Variants in NRXN1 observed in about 807,000 individuals in gnomAD.
The protein encoded by NRXN1 is neurexin-1.
NRXN1 carries 39 observed loss-of-function variants against 150.9 expected under a neutral mutation model. That is an observed-to-expected ratio of 0.26 (90% CI 0.20 to 0.34). The LOEUF (loss-of-function observed/expected upper bound fraction) is 0.34. Ranked by LOEUF, NRXN1 falls within the 10% of genes least tolerant of loss-of-function variation. NRXN1 has a pLI of 1.00. For synonymous variants in NRXN1, 924 were observed against 757.0 expected (o/e 1.22, Z -3.62); for missense variants, 1,815 against 1,949.9 (o/e 0.93, Z 1.30).
intron 12 of NRXN1, among the ~76,000 whole-genome samples, chr2:50,527,158 A>G (rs959054771): frequency 1.3e-5 from 2 of 152,194 alleles, no homozygotes; most frequent in Non-Finnish European, 2.9e-5. Flanking sequence ...AGGTCTAGAA[A>G]GGAATATTGG....
At chr2:50,435,216 C>A (rs934811164) in intron 17 of NRXN1, among the ~76,000 whole-genome samples, 3 of 152,104 alleles carry the variant, frequency 2.0e-5, no homozygotes, top group Non-Finnish European at 4.4e-5. Flanking sequence ...CCACATCTGC[C>A]ACTCACCATC....
intron 21 of NRXN1, among the ~76,000 whole-genome samples, chr2:50,042,695 T>TTAA (rs34892948): frequency 1 from 152,192 of 152,222 alleles, 76,081 homozygotes; most frequent in Middle Eastern, 1. Context: ...CATACACACA[T>TTAA]TAAGACAAAG....
chr2:50,957,746 G>C (rs1692499543), intron 2 of NRXN1, among the ~76,000 whole-genome samples: 1 of 151,998 alleles, frequency 6.6e-6, no homozygotes, highest in Admixed American at 6.6e-5. Flanking sequence ...TGTCATGTTT[G>C]ATTTCTTGTA....
chr2:50,670,533 A>G (rs1166345424), intron 5 of NRXN1, among the ~76,000 whole-genome samples: 2 of 151,988 alleles, frequency 1.3e-5, no homozygotes, highest in East Asian at 3.9e-4. Flanking sequence ...CTGTTACATT[A>G]CCATAGGATA....
chr2:50,212,577 T>A (rs2063113171), intron 18 of NRXN1, among the ~76,000 whole-genome samples: 1 of 151,880 alleles, frequency 6.6e-6, no homozygotes, highest in Admixed American at 6.6e-5. Context: ...TTTATATGTT[T>A]ATTTAAATCT....
intron 18 of NRXN1, chr2:50,174,920 T>A (rs1334115652): frequency 6.6e-6 from 1 of 152,182 alleles, no homozygotes; most frequent in East Asian, 1.9e-4. Context: ...TATACTTAGC[T>A]CAAGCGTAGC....
chr2:49,986,924 G>A (rs998649591), intron 21 of NRXN1, among the ~76,000 whole-genome samples: 1 of 152,054 alleles, frequency 6.6e-6, no homozygotes, highest in Admixed American at 6.5e-5. Flanking sequence ...AATTAGCCAG[G>A]TGGGGTGGTG....
At chr2:50,603,529 G>T (rs1676610644) in intron 8 of NRXN1, among the ~76,000 whole-genome samples, 1 of 152,120 alleles carries the variant, frequency 6.6e-6, no homozygotes, top group African/African-American at 2.4e-5. Context: ...AGAGGATTTG[G>T]TTTGTTAGTT....
intron 5 of NRXN1, among the ~76,000 whole-genome samples, chr2:50,686,550 T>C (rs1358869136): frequency 6.6e-6 from 1 of 152,182 alleles, no homozygotes; most frequent in African/African-American, 2.4e-5. Flanking sequence ...TCTTCTTTAA[T>C]AAATGGAAGC....
intron 5 of NRXN1, among the ~76,000 whole-genome samples, chr2:50,813,204 GAT>G (rs986687598): frequency 1.5e-4 from 22 of 151,450 alleles, no homozygotes; most frequent in African/African-American, 5.3e-4. Flanking sequence ...AAAAAAAAAA[GAT>G]ATTAATGGCT....
chr2:50,118,191 G>A (rs1703336603), intron 18 of NRXN1, among the ~76,000 whole-genome samples: 1 of 152,158 alleles, frequency 6.6e-6, no homozygotes, highest in African/African-American at 2.4e-5. Context: ...ATTCTCCAAT[G>A]TAAAACAGCT....
chr2:50,206,228 T>TACAC lies in NRXN1; in HGVS notation c.3546+30557_3546+30560dup, dbSNP rs66795755. Among the ~76,000 whole-genome samples, 416 of 106,424 alleles carry TACAC rather than the reference T, an allele frequency of 3.9e-3. 1 individual carries two copies. The highest frequency in any genetic ancestry group is 0.015 in the East Asian group (65 of 4,322). The allele number at this position is 106,424 out of a possible 152,430, so 69.8% of individuals were successfully genotyped here. On this transcript the variant is annotated intron_variant, in intron 18 of 22. Transcript: ENST00000401669. The stretch of plus-strand genomic sequence containing the variant: ...TAAGTTATACATGCATACACACAAA[T>TACAC]ACACACACACACACACACACACACA...
At chr2:50,208,966 T>C (rs1425634724) in intron 18 of NRXN1, among the ~76,000 whole-genome samples, 2 of 152,082 alleles carry the variant, frequency 1.3e-5, no homozygotes, top group Non-Finnish European at 2.9e-5. Flanking sequence ...TTGCAGCAAA[T>C]GTGACATTTT....
intron 17 of NRXN1, among the ~76,000 whole-genome samples, chr2:50,383,077 T>C (rs2081081979): frequency 1.3e-5 from 2 of 152,176 alleles, no homozygotes; most frequent in Non-Finnish European, 2.9e-5. Flanking sequence ...TAATTTTCCT[T>C]ATGATCTGAT....
Position 50,552,876 on chromosome 2 carries a change from G to A in NRXN1, c.1470C>T (p.Phe490=). ...DPITFETPES[F]ISLPKWNAKK... The stretch of plus-strand genomic sequence containing the variant: ...TTGCATTCCATTTAGGCAAAGAGAT[G>A]AAAGACTCTGGGGTTTCAAAGGTGA... The change falls in exon 9 of 23, where the codon TTC becomes TTT. Residue 490 remains phenylalanine, a synonymous_variant. Transcript: ENST00000401669. 1.2e-6 allele frequency: 2 copies of A among 1,613,966 alleles called. No individual in the cohort carries two copies. Among genetic ancestry groups the A allele is most frequent in the Non-Finnish European group, 1.7e-6 (2 of 1,179,866 alleles).
chr2:50,995,888 T>C (rs965643073), intron 2 of NRXN1, among the ~76,000 whole-genome samples: 2 of 152,108 alleles, frequency 1.3e-5, no homozygotes, highest in Non-Finnish European at 1.5e-5. Flanking sequence ...TGGTGTACTC[T>C]CTCAGGGTAG....
intron 21 of NRXN1, among the ~76,000 whole-genome samples, chr2:50,051,869 G>A (rs961042982): frequency 6.6e-6 from 1 of 151,936 alleles, no homozygotes; most frequent in Non-Finnish European, 1.5e-5. Flanking sequence ...CACCCTATAA[G>A]ACATCCCATT....
chr2:50,264,939 A>AT (rs1019234498), intron 17 of NRXN1, among the ~76,000 whole-genome samples: 5 of 152,218 alleles, frequency 3.3e-5, no homozygotes, highest in Non-Finnish European at 5.9e-5. Context: ...GGGGTCCTAG[A>AT]TTTTTTCAAG....
intron 17 of NRXN1, among the ~76,000 whole-genome samples, chr2:50,320,662 G>A (rs2075973612): frequency 6.6e-6 from 1 of 151,772 alleles, no homozygotes; most frequent in African/African-American, 2.4e-5. Flanking sequence ...AGAGGGGAAG[G>A]AGGAGGGTAT....
Sources: allele counts gnomAD v4.1 joint callset (sites outside exome capture counted in the v4.1 genomes callset), GRCh38; gene constraint gnomAD v4.1.1; transcripts MANE v1.5; gene names NCBI Gene and HGNC (gene_info 2026-07-23, HGNC 2026-07-21).